Variants in CFAP70 observed in about 807,000 individuals in gnomAD.
The protein encoded by CFAP70 is cilia and flagella associated protein 70.
A neutral mutation model predicts 137.6 loss-of-function variants in CFAP70; 81 were observed. That is an observed-to-expected ratio of 0.59 (90% confidence interval 0.49 to 0.71). The LOEUF is 0.71. Among genes scored for constraint, CFAP70 ranks in the 30% least tolerant of loss-of-function variants. The probability of loss-of-function intolerance (pLI) is 0.00; values close to 1 mark genes in which losing one functional copy is unlikely to be tolerated. For missense variants in CFAP70, 976 were observed against 1,226.7 expected (o/e 0.80, Z 3.05); for synonymous variants, 382 against 423.6 (o/e 0.90, Z 1.20).
At chr10:73,318,842 A>G (rs530809140) in intron 9 of CFAP70, among the ~76,000 whole-genome samples, 2 of 152,356 alleles carry the variant, frequency 1.3e-5, no homozygotes, top group South Asian at 2.1e-4. Context: ...TAGAAGTAGA[A>G]GTCCTATTGG....
chr10:73,296,740 AT>A (rs2048574733), intron 15 of CFAP70: 1 of 190,234 alleles, frequency 5.3e-6, no homozygotes, highest in African/African-American at 2.3e-5. Context: ...TAGAATGATA[AT>A]TTTCATTTCA....
chr10:73,292,630 G>A (rs1438120535), intron 16 of CFAP70, among the ~76,000 whole-genome samples: 1 of 152,122 alleles, frequency 6.6e-6, no homozygotes, highest in African/African-American at 2.4e-5. Context: ...TCATTTGTAA[G>A]TATATAGCCA....
rs755047319 is a variant in CFAP70, at chr10:73,323,098, CT to C, written c.778-2del. The C allele has an allele frequency of 6.2e-7, 1 of 1,607,282 alleles. No individual in the cohort carries two copies. Among genetic ancestry groups the C allele is most frequent in the East Asian group, 2.2e-5 (1 of 44,818 alleles). On this transcript the variant is annotated splice_acceptor_variant, in intron 8 of 26. Coordinates refer to ENST00000310715, the Ensembl canonical transcript of CFAP70. LOFTEE classifies it high-confidence loss of function. ...ACGAAAGCTGAGCTTCTTCATCAGT[CT>C]AAAGGAATAAAACCAGAGAGTTGTT...
At chr10:73,266,450 C>A (rs2045782461) in intron 25 of CFAP70, among the ~76,000 whole-genome samples, 1 of 151,982 alleles carries the variant, frequency 6.6e-6, no homozygotes, top group South Asian at 2.1e-4. Context: ...CCTTCAGTTT[C>A]TTTTATGTGT....
chr10:73,289,364 C>A (rs2047991704), intron 19 of CFAP70, among the ~76,000 whole-genome samples: 1 of 152,052 alleles, frequency 6.6e-6, no homozygotes, highest in Non-Finnish European at 1.5e-5. Flanking sequence ...TGGCTCACTG[C>A]AACCTCTGCC....
intron 12 of CFAP70, among the ~76,000 whole-genome samples, chr10:73,300,111 T>C (rs930747842): frequency 2.0e-5 from 3 of 152,172 alleles, no homozygotes; most frequent in Non-Finnish European, 4.4e-5. Context: ...CCGTCTACAA[T>C]AAAAGTGTAC....
At chr10:73,348,871 T>G (rs2053949555) in intron 3 of CFAP70, among the ~76,000 whole-genome samples, 1 of 151,924 alleles carries the variant, frequency 6.6e-6, no homozygotes, top group Admixed American at 6.6e-5. Flanking sequence ...GAGACCACCC[T>G]GACAAACACG....
At chr10:73,345,687 C>G (rs1197540941) in intron 4 of CFAP70, among the ~76,000 whole-genome samples, 1 of 151,862 alleles carries the variant, frequency 6.6e-6, no homozygotes, top group Non-Finnish European at 1.5e-5. Flanking sequence ...CGCCTGTAGT[C>G]CCAGCTGCTG....
chr10:73,266,917 C>A (rs1022657968), intron 25 of CFAP70, among the ~76,000 whole-genome samples: 11 of 151,958 alleles, frequency 7.2e-5, no homozygotes, highest in African/African-American at 2.7e-4. Flanking sequence ...ATTATCATTT[C>A]TTTGAGTTTC....
chr10:73,278,050 T>G, intron 20 of CFAP70, 129 bp downstream of exon 21: 10 of 847,994 alleles, frequency 1.2e-5, no homozygotes, highest in African/African-American at 3.4e-5. Flanking sequence ...GTTACACCAT[T>G]GAGTTTGGAT....
chr10:73,353,849 C>T (rs2054468990), intron 2 of CFAP70, 107 bp from the exon 3 acceptor site: 1 of 988,876 alleles, frequency 1.0e-6, no homozygotes, highest in Non-Finnish European at 1.5e-6. Context: ...TCATTTTTTC[C>T]TAACGAGCAA....
rs568468354 is a variant in CFAP70, at chr10:73,313,240, C to T, written c.913-597G>A. 5.3e-5 allele frequency among the ~76,000 whole-genome samples: 8 copies of T among 151,886 alleles called. No individual in the cohort carries two copies. The East Asian group carries it at 1.4e-3, about 26-fold the overall frequency. On this transcript the variant is annotated intron_variant, in intron 9 of 26. Coordinates refer to ENST00000310715, the Ensembl canonical transcript of CFAP70. ...ACAAAAAATTAGCCAGGCGTGGTGGCGGGTGCCTGTAGTGCCAGCTACTCG... is the reference window on the plus strand; with the variant it reads ...ACAAAAAATTAGCCAGGCGTGGTGGTGGGTGCCTGTAGTGCCAGCTACTCG...
At chr10:73,269,682 A>G in exon 25 of CFAP70, 1 of 1,613,780 alleles carries the variant, frequency 6.2e-7, no homozygotes. Context: ...TTGGCTTCAG[A>G]AAGAGCATCC....
chr10:73,302,782 A>C (rs2049047250), intron 12 of CFAP70, among the ~76,000 whole-genome samples: 1 of 152,144 alleles, frequency 6.6e-6, no homozygotes, highest in East Asian at 1.9e-4. Context: ...AGTGACATAG[A>C]TTTAGCAGTT....
At position 73,336,488 on chromosome 10, in the gene CFAP70, A is replaced by T. The variant is rs754990280; in HGVS notation, c.583-964T>A. Among the ~76,000 whole-genome samples the T allele has an allele frequency of 4.0e-5, 6 of 151,862 alleles. No individual in the cohort carries two copies. The South Asian group carries it at 6.2e-4, about 16-fold the overall frequency. On this transcript the variant is annotated intron_variant, in intron 6 of 26. Transcript: ENST00000310715. ...TCAGACAATGAAAAATAATTCAACCATCCTCATTTTACAAATTATTTTATT... is the reference window on the plus strand; with the variant it reads ...TCAGACAATGAAAAATAATTCAACCTTCCTCATTTTACAAATTATTTTATT...
At chr10:73,297,046 T>C in exon 15 of CFAP70, 1 of 1,613,320 alleles carries the variant, frequency 6.2e-7, no homozygotes, top group East Asian at 2.2e-5. Context: ...ACTTACCTGG[T>C]TTAGGGCTAC....
At chr10:73,327,889 A>G (rs2132268441) in intron 8 of CFAP70, among the ~76,000 whole-genome samples, 1 of 152,314 alleles carries the variant, frequency 6.6e-6, no homozygotes, top group African/African-American at 2.4e-5. Flanking sequence ...GGAAGAATCA[A>G]TATCGTGAAA....
At chr10:73,335,240 C>G (rs2052533306) in intron 7 of CFAP70, among the ~76,000 whole-genome samples, 190 bp downstream of exon 8, 1 of 152,008 alleles carries the variant, frequency 6.6e-6, no homozygotes, top group South Asian at 2.1e-4. Flanking sequence ...CTTGGTTAAA[C>G]CACCATCACT....
chr10:73,258,792 G>C (rs1354148057), intron 25 of CFAP70, among the ~76,000 whole-genome samples: 1 of 152,184 alleles, frequency 6.6e-6, no homozygotes, highest in Non-Finnish European at 1.5e-5. Context: ...GTATATAAGG[G>C]ATGAAAAAAG....
Sources: allele counts gnomAD v4.1 joint callset (sites outside exome capture counted in the v4.1 genomes callset), GRCh38; gene constraint gnomAD v4.1.1; transcripts MANE v1.5; gene names NCBI Gene and HGNC (gene_info 2026-07-23, HGNC 2026-07-21).